The following RCSD1 variants were observed in gnomAD, a reference collection of about 807,000 sequenced individuals.
RCSD1 encodes capZ-interacting protein.
RCSD1 carries 26 observed loss-of-function variants against 42.5 expected under a neutral mutation model. The observed-to-expected ratio is 0.61, with a 90% CI of 0.45 to 0.85. The LOEUF is 0.85. Among genes scored for constraint, RCSD1 ranks in the 40% least tolerant of loss-of-function variants. RCSD1 has a pLI of 0.00. For synonymous variants in RCSD1, 220 were observed against 212.2 expected, an observed-to-expected ratio of 1.04 and a Z score of -0.32; for missense variants, 571 against 528.3, an observed-to-expected ratio of 1.08 and a Z score of -0.79.
chr1:167,660,498 G>A (rs1314132925), intron 1 of RCSD1, among the ~76,000 whole-genome samples: 3 of 151,414 alleles, frequency 2.0e-5, no homozygotes, highest in South Asian at 2.1e-4. Flanking sequence ...TAGAAACAGG[G>A]TCTTACTCTG....
rs571677935 is a variant in RCSD1, at chr1:167,705,145, A to G, written c.*449A>G. The G allele has an allele frequency of 6.5e-6, 1 of 154,220 alleles. No individual in the cohort carries two copies. Among genetic ancestry groups the G allele is most frequent in the African/African-American group, 2.4e-5 (1 of 41,594 alleles). 9.6% of individuals were successfully genotyped at this position (154,220 alleles called of 1,614,324 possible). Reference sequence around the variant, plus strand: ...TCCTTTTTAATGTTCTAAAGTGTTTACGGTTCTCAAATATCAGTTAAAAAC... The same window carrying G: ...TCCTTTTTAATGTTCTAAAGTGTTTGCGGTTCTCAAATATCAGTTAAAAAC... On this transcript the variant is annotated 3_prime_UTR_variant, in exon 7 of 7. Transcript: ENST00000367854.
At position 167,690,063 on chromosome 1, in the gene RCSD1, T is replaced by C. The variant is rs1323034280; in HGVS notation, c.213T>C (p.Asn71=). 3 of 1,614,186 alleles carry C rather than the reference T, an allele frequency of 1.9e-6. No individual in the cohort carries two copies. Among genetic ancestry groups the C allele is most frequent in the Non-Finnish European group, 2.5e-6 (3 of 1,180,024 alleles). ...TTGCTCCATAGAAATCACCACCCAA[T>C]GCGAGCCACCCTCCTAAATTCAAGG... The part of the protein sequence containing the change: ...GQNGEEKSPP[N]ASHPPKFKVK... The change falls in exon 4 of 7, where the codon AAT becomes AAC. Residue 71 remains asparagine, a synonymous_variant. Transcript: ENST00000367854.
intron 6 of RCSD1, among the ~76,000 whole-genome samples, chr1:167,700,407 G>C (rs1398289346): frequency 1.3e-5 from 2 of 152,050 alleles, no homozygotes; most frequent in African/African-American, 4.8e-5. Flanking sequence ...CCAGCACTTT[G>C]GGAGGCTGAG....
intron 4 of RCSD1, among the ~76,000 whole-genome samples, chr1:167,693,341 G>A (rs1659421860): frequency 6.6e-6 from 1 of 152,176 alleles, no homozygotes; most frequent in African/African-American, 2.4e-5. Context: ...GGGACCACCT[G>A]CCTCCTCCCC....
At chr1:167,657,148 T>A (rs1658441938) in intron 1 of RCSD1, among the ~76,000 whole-genome samples, 1 of 152,270 alleles carries the variant, frequency 6.6e-6, no homozygotes, top group Non-Finnish European at 1.5e-5. Context: ...TTGCACATAG[T>A]AAGCACTCAA....
intron 3 of RCSD1, 65 bp downstream of exon 3, chr1:167,685,575 G>A (rs1038247020): frequency 1.8e-5 from 25 of 1,380,460 alleles, no homozygotes; most frequent in South Asian, 3.6e-5. Flanking sequence ...CTTGAGGAAA[G>A]TTTGGAGGAG....
At chr1:167,669,991 ACG>A (rs1409647306) in intron 1 of RCSD1, among the ~76,000 whole-genome samples, 1 of 10,510 alleles carries the variant, frequency 9.5e-5, no homozygotes, top group Non-Finnish European at 1.5e-4. Flanking sequence ...CAGGACACAC[ACG>A]CACACGCACA....
At chr1:167,701,705 T>C (rs959350168) in intron 6 of RCSD1, among the ~76,000 whole-genome samples, 1 of 152,164 alleles carries the variant, frequency 6.6e-6, no homozygotes, top group Non-Finnish European at 1.5e-5. Flanking sequence ...ACCTGCCCAA[T>C]CATCAGAATA....
intron 1 of RCSD1, among the ~76,000 whole-genome samples, chr1:167,681,968 A>T (rs1251817624): frequency 6.6e-6 from 1 of 152,176 alleles, no homozygotes; most frequent in Admixed American, 6.5e-5. Flanking sequence ...CCCCAGCATC[A>T]TGGGGAAATC....
chr1:167,681,100 A>G (rs1051513305), intron 1 of RCSD1, among the ~76,000 whole-genome samples: 2 of 152,218 alleles, frequency 1.3e-5, no homozygotes, highest in African/African-American at 4.8e-5. Flanking sequence ...CCCCAAGACC[A>G]CACTTCTTCC....
rs1659764046 is a variant in RCSD1 at position 167,706,693 on chromosome 1, A to G, written c.*1997A>G. 6.6e-6 allele frequency among the ~76,000 whole-genome samples: 1 copy of G among 152,124 alleles called. No individual in the cohort carries two copies. Among genetic ancestry groups the G allele is most frequent in the Non-Finnish European group, 1.5e-5 (1 of 67,998 alleles). On this transcript the variant is annotated 3_prime_UTR_variant, in exon 7 of 7. Transcript: ENST00000367854. The stretch of plus-strand genomic sequence containing the variant: ...TCACATTATTTGGTGTATTTTGTGA[A>G]AAAAATAGAGGCCCCATTCCCAGGG...
intron 1 of RCSD1, among the ~76,000 whole-genome samples, chr1:167,649,925 T>A (rs1658261479): frequency 6.6e-6 from 1 of 152,172 alleles, no homozygotes; most frequent in African/African-American, 2.4e-5. Context: ...CTGGGGCAGC[T>A]GTAAAGATGC....
chr1:167,667,174 C>A (rs1020476962), intron 1 of RCSD1, among the ~76,000 whole-genome samples: 1 of 152,124 alleles, frequency 6.6e-6, no homozygotes, highest in Non-Finnish European at 1.5e-5. Flanking sequence ...AGGGAGGGGG[C>A]GCCTATCCCG....
chr1:167,637,660 T>G (rs1229391), intron 1 of RCSD1, among the ~76,000 whole-genome samples: 150,210 of 152,142 alleles, frequency 0.99, 74,168 homozygotes, highest in East Asian at 1. Flanking sequence ...AATGCCTTTG[T>G]TCAAGCTCAC....
rs180681265 is a variant in RCSD1, at chr1:167,633,068, G to A, written c.6+2639G>A. ...TACTAGGAATCCAAACCAGACCAAAGAGGGTTACTCAATATTCATTCTCTA... is the reference window on the plus strand; with the variant it reads ...TACTAGGAATCCAAACCAGACCAAAAAGGGTTACTCAATATTCATTCTCTA... On this transcript the variant is annotated intron_variant, in intron 1 of 6. Transcript: ENST00000367854. Among the ~76,000 whole-genome samples, 622 of 152,312 alleles carry A rather than the reference G, an allele frequency of 4.1e-3. 2 individuals carry two copies. Among genetic ancestry groups the A allele is most frequent in the Non-Finnish European group, 6.3e-3 (428 of 68,022 alleles).
rs1215045320 is a variant in RCSD1 at position 167,708,084 on chromosome 1, G to C, written c.*3388G>C. ...TACTGTGGGGAAAAAGTCCTGTAGA[G>C]GCTTTCCATAGGCCCTGTGTGACTC... On this transcript the variant is annotated 3_prime_UTR_variant, in exon 7 of 7. Transcript: ENST00000367854. Among the ~76,000 whole-genome samples the C allele has an allele frequency of 6.6e-6, 1 of 152,154 alleles. No homozygotes were observed. Among genetic ancestry groups the C allele is most frequent in the Middle Eastern group, 3.2e-3 (1 of 316 alleles).
intron 1 of RCSD1, among the ~76,000 whole-genome samples, chr1:167,669,777 G>T (rs1571691359): frequency 6.6e-6 from 1 of 152,210 alleles, no homozygotes; most frequent in African/African-American, 2.4e-5. Flanking sequence ...GCTTGCAGGG[G>T]CAGGGACCAG....
chr1:167,634,791 A>C (rs2102192443), intron 1 of RCSD1, among the ~76,000 whole-genome samples: 1 of 152,336 alleles, frequency 6.6e-6, no homozygotes, highest in East Asian at 1.9e-4. Context: ...ACTGCAAATC[A>C]TTCCCAGATA....
chr1:167,703,031 T>C (rs1659679833), intron 6 of RCSD1, among the ~76,000 whole-genome samples: 2 of 152,228 alleles, frequency 1.3e-5, no homozygotes, highest in Admixed American at 6.6e-5. Flanking sequence ...AACATTTGAT[T>C]TGAAATTCTT....
Sources: gnomAD v4.1 joint callset for allele counts (sites outside exome capture counted in the v4.1 genomes callset) on GRCh38, gnomAD v4.1.1 for gene constraint, MANE v1.5 for transcripts, NCBI Gene and HGNC (gene_info 2026-07-23, HGNC 2026-07-21) for gene names.